The following KLF15 variants were observed in gnomAD, a reference collection of about 807,000 sequenced individuals.
KLF15 encodes the protein Krueppel-like factor 15.
In KLF15, 4 loss-of-function variants were observed where a neutral mutation model predicts 24.6. The ratio of observed to expected loss-of-function variants is 0.16; its 90% CI spans 0.08 to 0.37. The LOEUF is 0.37. Ranked by LOEUF, KLF15 falls within the 10% of genes least tolerant of loss-of-function variation. The pLI, the probability that KLF15 is intolerant of heterozygous loss-of-function variation, is 1.00. For missense variants in KLF15, 496 were observed against 560.6 expected, an observed-to-expected ratio of 0.88 and a Z score of 1.16; for synonymous variants, 246 against 236.3, an observed-to-expected ratio of 1.04 and a Z score of -0.37.
chr3:126,341,460 G>A (rs1320343062), downstream of KLF15, among the ~76,000 whole-genome samples: 2 of 152,222 alleles, frequency 1.3e-5, no homozygotes, highest in Admixed American at 1.3e-4. Flanking sequence ...GTTTATGGAT[G>A]AAGAAAGCCC....
the KLF15 span, among the ~76,000 whole-genome samples, chr3:126,295,917 A>G: frequency 2.0e-5 from 3 of 151,956 alleles, no homozygotes; most frequent in East Asian, 1.9e-4. Flanking sequence ...CTTCTTAGTC[A>G]TTTCCCATCC....
chr3:126,343,992 C>G (rs2082509104), intron 2 of KLF15, 97 bp from the exon 3 acceptor site: 2 of 1,317,470 alleles, frequency 1.5e-6, no homozygotes, highest in Non-Finnish European at 2.0e-6. Context: ...GCACCTGGCA[C>G]TCACCCAAAG....
At chr3:126,299,798 A>T in the KLF15 span, among the ~76,000 whole-genome samples, 1 of 149,228 alleles carries the variant, frequency 6.7e-6, no homozygotes, top group African/African-American at 2.5e-5. Flanking sequence ...TGACATGCAC[A>T]GAGGGATGAC....
intron 2 of KLF15, among the ~76,000 whole-genome samples, chr3:126,344,286 C>A (rs34466729): frequency 6.6e-6 from 1 of 151,904 alleles, no homozygotes. Flanking sequence ...TGTCAAACTC[C>A]TGGGCTCAAG....
the KLF15 span, among the ~76,000 whole-genome samples, chr3:126,337,263 C>T: frequency 1.3e-4 from 18 of 135,888 alleles, 1 homozygote; most frequent in South Asian, 5.3e-4. Flanking sequence ...ATGATGAGTT[C>T]GTGTCCTTTG....
chr3:126,303,065 G>A, the KLF15 span, among the ~76,000 whole-genome samples: 1 of 151,920 alleles, frequency 6.6e-6, no homozygotes, highest in African/African-American at 2.4e-5. Flanking sequence ...AGAATTTTTA[G>A]TAAACATCAT....
At chr3:126,337,904 G>C (rs2082450594), downstream of KLF15, among the ~76,000 whole-genome samples, 3 of 152,272 alleles carry the variant, frequency 2.0e-5, no homozygotes, top group East Asian at 3.9e-4. Context: ...TGCTTTCAAG[G>C]CGGGAGAAGG....
the KLF15 span, among the ~76,000 whole-genome samples, chr3:126,318,009 T>C: frequency 1.3e-5 from 2 of 152,204 alleles, no homozygotes; most frequent in African/African-American, 4.8e-5. Flanking sequence ...TCTGAGCTCC[T>C]GATTCCATGC....
chr3:126,304,123 T>C, the KLF15 span, among the ~76,000 whole-genome samples: 1 of 152,256 alleles, frequency 6.6e-6, no homozygotes, highest in Non-Finnish European at 1.5e-5. Context: ...GAAGATATTT[T>C]ACTGGGTACC....
chr3:126,302,299 T>G, the KLF15 span, among the ~76,000 whole-genome samples: 2 of 152,178 alleles, frequency 1.3e-5, no homozygotes, highest in South Asian at 4.1e-4. Context: ...TGGCCCAGAA[T>G]GTAGTCAGTC....
the KLF15 span, among the ~76,000 whole-genome samples, chr3:126,331,614 G>A: frequency 6.6e-6 from 1 of 152,198 alleles, no homozygotes; most frequent in Non-Finnish European, 1.5e-5. Context: ...GGGGGGAGGA[G>A]CCAAGATGGC....
the KLF15 span, among the ~76,000 whole-genome samples, chr3:126,321,476 G>A: frequency 5.3e-5 from 8 of 152,244 alleles, no homozygotes; most frequent in African/African-American, 1.9e-4. Flanking sequence ...GGTTCCATCT[G>A]CAGCAGTGCT....
At chr3:126,324,943 A>C in the KLF15 span, among the ~76,000 whole-genome samples, 2 of 92,270 alleles carry the variant, frequency 2.2e-5, no homozygotes, top group East Asian at 3.3e-4. Context: ...ATATCTCCCA[A>C]TGCTATCCCT....
the KLF15 span, among the ~76,000 whole-genome samples, chr3:126,317,901 G>A: frequency 6.6e-6 from 1 of 152,146 alleles, no homozygotes; most frequent in Admixed American, 6.5e-5. Context: ...TAGAACTGGG[G>A]TTGCTGCAAA....
chr3:126,314,196 T>A, the KLF15 span, among the ~76,000 whole-genome samples: 1 of 152,186 alleles, frequency 6.6e-6, no homozygotes, highest in Non-Finnish European at 1.5e-5. Flanking sequence ...TCATGGGGGC[T>A]GGGGTGCTCT....
At chr3:126,289,842 C>G in the KLF15 span, among the ~76,000 whole-genome samples, 2 of 152,220 alleles carry the variant, frequency 1.3e-5, no homozygotes, top group African/African-American at 4.8e-5. Flanking sequence ...AAGGACACGT[C>G]TTGGGAGACA....
At chr3:126,294,505 A>G in the KLF15 span, among the ~76,000 whole-genome samples, 1 of 152,108 alleles carries the variant, frequency 6.6e-6, no homozygotes. Context: ...ACTCACTTTT[A>G]AACGTCAATA....
At chr3:126,314,669 C>G in the KLF15 span, among the ~76,000 whole-genome samples, 7 of 152,220 alleles carry the variant, frequency 4.6e-5, no homozygotes, top group Admixed American at 3.3e-4. Context: ...CACAGCACAG[C>G]TCAGCAAACG....
At chr3:126,300,176 A>C in the KLF15 span, among the ~76,000 whole-genome samples, 1 of 152,096 alleles carries the variant, frequency 6.6e-6, no homozygotes, top group African/African-American at 2.4e-5. Flanking sequence ...CACCCTGGCC[A>C]GGGGACATTA....
Sources: allele counts gnomAD v4.1 joint callset (sites outside exome capture counted in the v4.1 genomes callset), GRCh38; gene constraint gnomAD v4.1.1; transcripts MANE v1.5; gene names NCBI Gene and HGNC (gene_info 2026-07-23, HGNC 2026-07-21).